The following ABCC9 variants were observed in gnomAD, a reference collection of about 807,000 sequenced individuals.
ABCC9 encodes the protein ATP binding cassette subfamily C member 9.
A neutral mutation model predicts 188.3 loss-of-function variants in ABCC9; 95 were observed. That is an observed-to-expected ratio of 0.50 (90% CI 0.43 to 0.60). ABCC9 has a LOEUF of 0.60. Among genes scored for constraint, ABCC9 ranks in the 20% least tolerant of loss-of-function variants. The probability of loss-of-function intolerance (pLI) is 0.00; values close to 1 mark genes in which losing one functional copy is unlikely to be tolerated. For missense variants in ABCC9, 1,102 were observed against 1,876.3 expected (o/e 0.59, Z 7.62); for synonymous variants, 659 against 652.7 (o/e 1.01, Z -0.15).
intron 36 of ABCC9, among the ~76,000 whole-genome samples, chr12:21,811,164 G>T (rs1942210270): frequency 6.6e-6 from 1 of 152,114 alleles, no homozygotes; most frequent in Admixed American, 6.6e-5. Flanking sequence ...GTTTTAAAGT[G>T]TGGCAGTTCC....
chr12:21,865,251 G>A (rs1945723647), intron 18 of ABCC9, among the ~76,000 whole-genome samples: 1 of 152,068 alleles, frequency 6.6e-6, no homozygotes, highest in Non-Finnish European at 1.5e-5. Context: ...GCAAAATGTT[G>A]TATGTTTTTG....
At chr12:21,849,525 T>A (rs1006224067) in intron 24 of ABCC9, among the ~76,000 whole-genome samples, 1 of 152,148 alleles carries the variant, frequency 6.6e-6, no homozygotes, top group Non-Finnish European at 1.5e-5. Context: ...TAAACCTTCA[T>A]AATGAAAAGT....
At chr12:21,891,081 A>G (rs1947138856) in intron 14 of ABCC9, among the ~76,000 whole-genome samples, 1 of 152,174 alleles carries the variant, frequency 6.6e-6, no homozygotes, top group Non-Finnish European at 1.5e-5. Context: ...ATAGCTTTAT[A>G]ACACCATAAC....
rs1036268364 is a variant in ABCC9, at chr12:21,826,060, G to C, written c.3669+2898C>G. On this transcript the variant is annotated intron_variant, in intron 31 of 39. Coordinates refer to ENST00000261200, the MANE Select transcript of ABCC9 (RefSeq NM_020297.4). ...GGTGAAATCTGTGTGAAGAAATCCT[G>C]CTTGCCTCTTCTAATTTATGTCCAA... Among the ~76,000 whole-genome samples, 29 of 152,244 alleles carry C rather than the reference G, an allele frequency of 1.9e-4. No homozygotes were observed. In the Middle Eastern group the frequency reaches 0.01, roughly 54 times the overall value.
intron 31 of ABCC9, among the ~76,000 whole-genome samples, chr12:21,824,839 C>T (rs774027500): frequency 6.6e-6 from 1 of 152,022 alleles, no homozygotes; most frequent in East Asian, 1.9e-4. Flanking sequence ...GTGGTGATAT[C>T]CCCTTTATCA....
At position 21,845,681 on chromosome 12, in the gene ABCC9, C is replaced by G. The variant is rs1030642418; in HGVS notation, c.3018G>C (p.Ser1006=). ...LMIFSKLLKH[S]VIVAIDYWLA... is the part of the protein sequence containing the mutation. ...GCCAATAGTCTATAGCTACAATGAC[C>G]GAATGCTTCAAAAGCTTAGAGAAAA... The change falls in exon 26 of 40, where the codon TCG becomes TCC. Residue 1006 remains serine, a synonymous_variant. Coordinates refer to ENST00000261200, the MANE Select transcript of ABCC9 (RefSeq NM_020297.4). 9 of 1,613,776 alleles carry G rather than the reference C, an allele frequency of 5.6e-6. No individual in the cohort carries two copies. In the South Asian group the frequency reaches 8.8e-5, roughly 16 times the overall value.
chr12:21,886,412 C>CG (rs1414009054), intron 15 of ABCC9, among the ~76,000 whole-genome samples: 1 of 152,044 alleles, frequency 6.6e-6, no homozygotes, highest in African/African-American at 2.4e-5. Context: ...TCTGTATCAG[C>CG]TCAACCTCTA....
chr12:21,931,188 A>G (rs1949269383), intron 4 of ABCC9, among the ~76,000 whole-genome samples: 1 of 152,052 alleles, frequency 6.6e-6, no homozygotes, highest in Admixed American at 6.6e-5. Flanking sequence ...AATGGCAACA[A>G]TTCCCTCATG....
At chr12:21,827,384 G>T in intron 31 of ABCC9, 1 of 871,110 alleles carries the variant, frequency 1.1e-6, no homozygotes, top group Non-Finnish European at 1.4e-6. Context: ...GCCCCTAAAA[G>T]ACATACTTGA....
intron 29 of ABCC9, among the ~76,000 whole-genome samples, chr12:21,841,106 G>T (rs1278206382): frequency 1.3e-5 from 2 of 152,132 alleles, no homozygotes; most frequent in Non-Finnish European, 2.9e-5. Flanking sequence ...CACCTGTCAT[G>T]TGGCTTAACA....
chr12:21,815,264 A>T, intron 34 of ABCC9, among the ~76,000 whole-genome samples: 2 of 146,782 alleles, frequency 1.4e-5, no homozygotes, highest in African/African-American at 2.5e-5. Context: ...TTTTCATGTG[A>T]TTGCCTTGTT....
intron 4 of ABCC9, 83 bp downstream of exon 4, chr12:21,933,695 TGGGC>T: frequency 6.7e-7 from 1 of 1,498,094 alleles, no homozygotes; most frequent in South Asian, 1.1e-5. Flanking sequence ...AGCACATTTA[TGGGC>T]ACAAGTTACA....
intron 24 of ABCC9, among the ~76,000 whole-genome samples, chr12:21,849,564 C>CTG (rs977347058): frequency 2.0e-5 from 3 of 152,034 alleles, no homozygotes; most frequent in African/African-American, 7.2e-5. Flanking sequence ...ATTCCCCATG[C>CTG]TGTGACCAAA....
intron 3 of ABCC9, 101 bp from the exon 4 acceptor site, chr12:21,934,024 G>C: frequency 7.7e-7 from 1 of 1,294,670 alleles, no homozygotes; most frequent in Non-Finnish European, 1.1e-6. Context: ...CAGGGGTGGG[G>C]GGGTCCTGAA....
intron 17 of ABCC9, among the ~76,000 whole-genome samples, chr12:21,874,435 T>C (rs1946239600): frequency 6.6e-6 from 1 of 152,142 alleles, no homozygotes; most frequent in African/African-American, 2.4e-5. Context: ...CAGCCAACAA[T>C]GGAAAACAGT....
Position 21,882,846 on chromosome 12 carries a change from G to T in ABCC9, c.1939C>A (p.Pro647Thr). The T allele has an allele frequency of 1.2e-6, 2 of 1,613,976 alleles. No homozygotes were observed. Among genetic ancestry groups the T allele is most frequent in the Non-Finnish European group, 1.7e-6 (2 of 1,179,906 alleles). The change falls in exon 16 of 40, where the codon CCT becomes ACT. Residue 647 changes from proline to threonine, a missense_variant. Pro to Thr is a conservative substitution (Grantham distance 38, BLOSUM62 -1). Transcript: ENST00000261200. ...VQPKTINRKQ[P>T]GRYHLDSYEQ... Reference sequence around the variant, plus strand: ...TAGCTGTCCAGGTGATATCTTCCAGGCTGTTTCCTGTTTATAGTTTTTGGC... The same window carrying T: ...TAGCTGTCCAGGTGATATCTTCCAGTCTGTTTCCTGTTTATAGTTTTTGGC...
At chr12:21,877,988 G>C (rs1304304952) in intron 16 of ABCC9, among the ~76,000 whole-genome samples, 1 of 133,264 alleles carries the variant, frequency 7.5e-6, no homozygotes, top group Non-Finnish European at 1.6e-5. Context: ...AGGAGTTCAA[G>C]ATATTGAAGG....
chr12:21,872,484 A>G (rs1946130049), intron 18 of ABCC9, 141 bp downstream of exon 18: 2 of 680,962 alleles, frequency 2.9e-6, no homozygotes, highest in South Asian at 3.4e-5. Flanking sequence ...TAAGGTTTCC[A>G]TCAATTTTTT....
At chr12:21,939,245 G>C (rs556042934) in intron 2 of ABCC9, among the ~76,000 whole-genome samples, 2 of 151,886 alleles carry the variant, frequency 1.3e-5, no homozygotes, top group Non-Finnish European at 2.9e-5. Context: ...TTACCTTACC[G>C]CATGTCTCCT....
Sources: allele counts gnomAD v4.1 joint callset (sites outside exome capture counted in the v4.1 genomes callset), GRCh38; gene constraint gnomAD v4.1.1; transcripts MANE v1.5; gene names NCBI Gene and HGNC (gene_info 2026-07-23, HGNC 2026-07-21).